Variants in PPARG observed in about 807,000 individuals in gnomAD.
PPARG encodes the protein peroxisome proliferator-activated receptor gamma.
Under a neutral mutation model 39.2 loss-of-function variants are expected in PPARG, and 17 were observed. That is an observed-to-expected ratio of 0.43 (90% CI 0.30 to 0.65). The LOEUF (loss-of-function observed/expected upper bound fraction) is 0.65, where lower values mean the gene tolerates loss of function less well. Among genes scored for constraint, PPARG ranks in the 30% least tolerant of loss-of-function variants. PPARG has a pLI of 0.13. For synonymous variants in PPARG, 223 were observed against 215.7 expected, an observed-to-expected ratio of 1.03 and a Z score of -0.30; for missense variants, 406 against 585.9, an observed-to-expected ratio of 0.69 and a Z score of 3.17.
intron 4 of PPARG, among the ~76,000 whole-genome samples, chr3:12,382,675 A>G (rs1363239853): frequency 6.6e-5 from 10 of 152,208 alleles, no homozygotes; most frequent in Middle Eastern, 3.2e-3. Context: ...TTTCTCATCT[A>G]TAAAATGATT....
At chr3:12,333,874 A>G (rs1264457554) in intron 2 of PPARG, among the ~76,000 whole-genome samples, 1 of 152,130 alleles carries the variant, frequency 6.6e-6, no homozygotes. Flanking sequence ...TAGGATCCAC[A>G]TACAGGCCCC....
At chr3:12,288,770 T>A (rs2046574003), upstream of PPARG, 1 of 152,008 alleles carries the variant, frequency 6.6e-6, no homozygotes, top group African/African-American at 2.4e-5. Flanking sequence ...CCTCCGTGCC[T>A]CCGCGGATGG....
At chr3:12,421,812 G>T (rs541473658) in intron 7 of PPARG, among the ~76,000 whole-genome samples, 1 of 152,148 alleles carries the variant, frequency 6.6e-6, no homozygotes, top group Non-Finnish European at 1.5e-5. Flanking sequence ...GCTTGGTGAC[G>T]CAAACCACCT....
chr3:12,415,094 C>T (rs1374810455), intron 6 of PPARG, among the ~76,000 whole-genome samples: 1 of 152,198 alleles, frequency 6.6e-6, no homozygotes, highest in Non-Finnish European at 1.5e-5. Flanking sequence ...GCCACTCATG[C>T]ACCTTCTCTC....
intron 2 of PPARG, among the ~76,000 whole-genome samples, chr3:12,366,978 C>A (rs1415435748): frequency 6.6e-6 from 1 of 152,102 alleles, no homozygotes; most frequent in Admixed American, 6.6e-5. Context: ...GGTATAATTT[C>A]TTCCTTAAAT....
At chr3:12,413,862 G>T (rs890847778) in intron 6 of PPARG, among the ~76,000 whole-genome samples, 1 of 151,860 alleles carries the variant, frequency 6.6e-6, no homozygotes, top group East Asian at 1.9e-4. Flanking sequence ...ATGATGGTGG[G>T]GTGCTGATTC....
At chr3:12,433,840 G>C in intron 7 of PPARG, 58 bp from the exon 8 acceptor site, 2 of 1,611,968 alleles carry the variant, frequency 1.2e-6, no homozygotes, top group Middle Eastern at 2.1e-4. Context: ...TCCAAGGCGG[G>C]GCCCAGAGGA....
chr3:12,426,783 T>A (rs1271791658), intron 7 of PPARG, among the ~76,000 whole-genome samples: 1 of 152,124 alleles, frequency 6.6e-6, no homozygotes, highest in Non-Finnish European at 1.5e-5. Context: ...TGACCAACAC[T>A]ATGAGTTAAA....
chr3:12,429,575 A>G (rs1417593290), intron 7 of PPARG, among the ~76,000 whole-genome samples: 1 of 149,604 alleles, frequency 6.7e-6, no homozygotes, highest in Admixed American at 6.7e-5. Context: ...AAAAAAAAAG[A>G]AGCAGGTGGA....
In PPARG at chr3:12,433,882, A is replaced by G; in HGVS notation, c.1181-16A>G. ...GACTGAACCCCCTGTTGTGTTTTCCATATGTGCTTCCCCAGACCGCCCAGG... is the reference window on the plus strand; with the variant it reads ...GACTGAACCCCCTGTTGTGTTTTCCGTATGTGCTTCCCCAGACCGCCCAGG... On this transcript the variant is annotated splice_polypyrimidine_tract_variant and intron_variant, in intron 7 of 7. Transcript: ENST00000651735. The G allele has an allele frequency of 6.8e-6, 11 of 1,613,886 alleles. No individual in the cohort carries two copies. The highest frequency in any genetic ancestry group is 2.7e-5 in the African/African-American group (2 of 75,054).
chr3:12,385,774 G>T (rs1040410275), intron 4 of PPARG, among the ~76,000 whole-genome samples: 2 of 152,104 alleles, frequency 1.3e-5, no homozygotes, highest in Non-Finnish European at 2.9e-5. Flanking sequence ...CCTGCCAGTC[G>T]TAGCTTATTA....
chr3:12,287,804 GC>G (rs1177217608), upstream of PPARG: 5 of 29,506 alleles, frequency 1.7e-4, no homozygotes, highest in Admixed American at 1.2e-3. Context: ...CCCCGCCCCC[GC>G]CCCCGCCCCC....
chr3:12,376,011 G>A (rs143947417), intron 2 of PPARG, among the ~76,000 whole-genome samples: 1,639 of 151,132 alleles, frequency 0.011, 9 homozygotes, highest in Non-Finnish European at 0.017. Flanking sequence ...GTGCAGTGGC[G>A]TGATCTCAGC....
chr3:12,397,378 TTTATTATTATTATTATTATTA>T (rs200520715), intron 5 of PPARG, among the ~76,000 whole-genome samples: 12 of 132,108 alleles, frequency 9.1e-5, no homozygotes, highest in Admixed American at 1.6e-4. Flanking sequence ...CCTATTCCTT[TTTATTATTATTATTATTATTA>T]TTATTATTAT....
chr3:12,374,541 G>T (rs997433664), intron 2 of PPARG, among the ~76,000 whole-genome samples: 3 of 152,170 alleles, frequency 2.0e-5, no homozygotes, highest in African/African-American at 4.8e-5. Context: ...GGAGGTTGCA[G>T]TGAGCCAAGA....
At chr3:12,323,644 G>A (rs1027485898) in intron 2 of PPARG, among the ~76,000 whole-genome samples, 5 of 152,124 alleles carry the variant, frequency 3.3e-5, no homozygotes, top group East Asian at 1.9e-4. Flanking sequence ...CCTGAATGTC[G>A]TGCTGCTGGT....
intron 4 of PPARG, among the ~76,000 whole-genome samples, chr3:12,384,869 T>G (rs1247127476): frequency 3.3e-5 from 5 of 152,156 alleles, no homozygotes; most frequent in Non-Finnish European, 7.4e-5. Context: ...ATTTCTAGTG[T>G]GATAAATGTC....
intron 7 of PPARG, among the ~76,000 whole-genome samples, chr3:12,420,205 G>T (rs1322898832): frequency 2.0e-5 from 3 of 152,204 alleles, no homozygotes; most frequent in Non-Finnish European, 4.4e-5. Context: ...ACTAGGCAAG[G>T]TCTAGACAAG....
intron 2 of PPARG, among the ~76,000 whole-genome samples, chr3:12,320,272 G>A (rs1455106133): frequency 2.0e-5 from 3 of 152,142 alleles, no homozygotes; most frequent in Admixed American, 6.5e-5. Flanking sequence ...AGGAATGTGC[G>A]TCCTTGCTTT....
Sources: gnomAD v4.1 joint callset for allele counts (sites outside exome capture counted in the v4.1 genomes callset) on GRCh38, gnomAD v4.1.1 for gene constraint, MANE v1.5 for transcripts, NCBI Gene and HGNC (gene_info 2026-07-23, HGNC 2026-07-21) for gene names.